NTM: variants seen among roughly 807,000 people sequenced by gnomAD.
NTM encodes the protein neurotrimin, also known as IgLON family member 2.
In NTM, 13 loss-of-function variants were observed where a neutral mutation model predicts 42.1. That is an observed-to-expected ratio of 0.31 (90% CI 0.20 to 0.49). NTM has a LOEUF of 0.49. Among genes scored for constraint, NTM ranks in the 20% least tolerant of loss-of-function variants. The pLI is 0.99. For synonymous variants in NTM, 187 were observed against 179.2 expected, an observed-to-expected ratio of 1.04 and a Z score of -0.35; for missense variants, 373 against 452.8, an observed-to-expected ratio of 0.82 and a Z score of 1.60.
chr11:132,096,970 G>A (rs578045984), intron 2 of NTM, among the ~76,000 whole-genome samples: 1 of 152,244 alleles, frequency 6.6e-6, no homozygotes, highest in South Asian at 2.1e-4. Context: ...CACATAGTAG[G>A]CACTAAATAA....
chr11:132,143,093 C>T (rs1456055314), intron 2 of NTM, among the ~76,000 whole-genome samples: 1 of 152,092 alleles, frequency 6.6e-6, no homozygotes, highest in Admixed American at 6.5e-5. Context: ...TTCTGGTTTC[C>T]CTGAACATAT....
At chr11:131,971,486 G>T (rs2063521225) in intron 2 of NTM, among the ~76,000 whole-genome samples, 2 of 152,114 alleles carry the variant, frequency 1.3e-5, no homozygotes, top group Non-Finnish European at 2.9e-5. Flanking sequence ...AGATATTGAA[G>T]ATATGTGTCA....
At chr11:132,058,686 G>A (rs1594205889) in intron 2 of NTM, among the ~76,000 whole-genome samples, 1 of 152,294 alleles carries the variant, frequency 6.6e-6, no homozygotes, top group African/African-American at 2.4e-5. Context: ...AGGAAGAGAA[G>A]ATTTTATTTA....
At chr11:132,105,879 A>G (rs1054610306) in intron 2 of NTM, among the ~76,000 whole-genome samples, 3 of 152,166 alleles carry the variant, frequency 2.0e-5, no homozygotes, top group South Asian at 2.1e-4. Context: ...GATGTTCTAG[A>G]TGGCACCTGT....
At chr11:132,207,230 C>T (rs2082111640) in intron 3 of NTM, among the ~76,000 whole-genome samples, 1 of 152,174 alleles carries the variant, frequency 6.6e-6, no homozygotes, top group Non-Finnish European at 1.5e-5. Flanking sequence ...TTTACAGCCA[C>T]TCCCCATTGC....
intron 4 of NTM, among the ~76,000 whole-genome samples, chr11:132,229,119 C>G (rs767610009): frequency 6.6e-6 from 1 of 152,214 alleles, no homozygotes; most frequent in African/African-American, 2.4e-5. Flanking sequence ...TCCTTCCCAC[C>G]TCCTCTTCAT....
intron 2 of NTM, among the ~76,000 whole-genome samples, chr11:131,961,320 G>A (rs528997857): frequency 1.3e-5 from 2 of 152,322 alleles, no homozygotes; most frequent in East Asian, 1.9e-4. Flanking sequence ...CTATTAAGGT[G>A]TGTGGAGTGG....
At chr11:131,659,669 C>T (rs1409863961) in intron 1 of NTM, among the ~76,000 whole-genome samples, 1 of 152,194 alleles carries the variant, frequency 6.6e-6, no homozygotes, top group Non-Finnish European at 1.5e-5. Flanking sequence ...ATCTTTACCT[C>T]GAACCCTCTC....
chr11:131,444,876 A>T (rs967059685), intron 1 of NTM, among the ~76,000 whole-genome samples: 2 of 152,200 alleles, frequency 1.3e-5, no homozygotes, highest in African/African-American at 2.4e-5. Context: ...TGGAAGGATG[A>T]TGAGAAATAG....
At chr11:132,229,381 T>C (rs2139006454) in intron 4 of NTM, among the ~76,000 whole-genome samples, 1 of 152,332 alleles carries the variant, frequency 6.6e-6, no homozygotes, top group Non-Finnish European at 1.5e-5. Flanking sequence ...CACTCCGAAC[T>C]CATTACCTAT....
chr11:132,309,764 A>C (rs2095221463), intron 5 of NTM, among the ~76,000 whole-genome samples: 1 of 152,180 alleles, frequency 6.6e-6, no homozygotes. Flanking sequence ...AGCCTTCTTC[A>C]TTTTAAAATG....
At chr11:131,564,506 T>A (rs2056639685) in intron 1 of NTM, among the ~76,000 whole-genome samples, 1 of 152,076 alleles carries the variant, frequency 6.6e-6, no homozygotes, top group South Asian at 2.1e-4. Flanking sequence ...TTTTTCAATT[T>A]TTTTTTTATT....
At chr11:132,157,977 C>A (rs1269983857) in intron 3 of NTM, among the ~76,000 whole-genome samples, 1 of 152,206 alleles carries the variant, frequency 6.6e-6, no homozygotes, top group Non-Finnish European at 1.5e-5. Context: ...CTGCTGTTAC[C>A]TTTGTCTGGA....
intron 1 of NTM, among the ~76,000 whole-genome samples, chr11:131,840,116 T>C (rs11222814): frequency 0.34 from 52,293 of 152,038 alleles, 11,109 homozygotes; most frequent in East Asian, 0.5. Context: ...GAGTAGGCGA[T>C]TGCATATACA....
At chr11:131,492,032 G>T (rs1186123862) in intron 1 of NTM, among the ~76,000 whole-genome samples, 1 of 152,220 alleles carries the variant, frequency 6.6e-6, no homozygotes, top group Non-Finnish European at 1.5e-5. Context: ...GAAATGGAAA[G>T]AAGGCATGGA....
At chr11:132,278,832 C>A (rs1311137407) in intron 4 of NTM, among the ~76,000 whole-genome samples, 1 of 149,570 alleles carries the variant, frequency 6.7e-6, no homozygotes, top group East Asian at 2.0e-4. Flanking sequence ...GATACAGATC[C>A]TTTCTTTGTT....
At chr11:132,071,171 C>T (rs1458755428) in intron 2 of NTM, among the ~76,000 whole-genome samples, 35 of 141,702 alleles carry the variant, frequency 2.5e-4, no homozygotes, top group African/African-American at 8.9e-4. Context: ...CTGACCATCA[C>T]AGGTTAGTTA....
chr11:132,026,016 G>A (rs569677146), intron 2 of NTM, among the ~76,000 whole-genome samples: 7 of 152,090 alleles, frequency 4.6e-5, no homozygotes, highest in African/African-American at 7.2e-5. Flanking sequence ...TCTCTGTGTC[G>A]TGTGTCTGTA....
At chr11:131,697,009 T>C (rs1260475029) in intron 1 of NTM, among the ~76,000 whole-genome samples, 1 of 152,162 alleles carries the variant, frequency 6.6e-6, no homozygotes, top group Non-Finnish European at 1.5e-5. Flanking sequence ...CCTGAGTATA[T>C]GGAGAAAAGC....
Sources: allele counts gnomAD v4.1 joint callset (sites outside exome capture counted in the v4.1 genomes callset), GRCh38; gene constraint gnomAD v4.1.1; transcripts MANE v1.5; gene names NCBI Gene and HGNC (gene_info 2026-07-23, HGNC 2026-07-21).